Variants in ZNF423 observed in about 807,000 individuals in gnomAD.
The protein encoded by ZNF423 is zinc finger protein 423.
ZNF423 carries 12 observed loss-of-function variants against 95.8 expected under a neutral mutation model. That is an observed-to-expected ratio of 0.13 (90% CI 0.08 to 0.20). The LOEUF is 0.20. Ranked by LOEUF, ZNF423 falls within the 10% of genes least tolerant of loss-of-function variation. The pLI is 1.00. For missense variants in ZNF423, 1,316 were observed against 1,737.1 expected, an observed-to-expected ratio of 0.76 and a Z score of 4.31; for synonymous variants, 749 against 711.9, an observed-to-expected ratio of 1.05 and a Z score of -0.83.
intron 2 of ZNF423, among the ~76,000 whole-genome samples, chr16:49,751,735 G>C (rs946941048): frequency 6.6e-6 from 1 of 152,190 alleles, no homozygotes; most frequent in African/African-American, 2.4e-5. Context: ...GTCGGGAGAG[G>C]AAGAAGCAGT....
intron 3 of ZNF423, among the ~76,000 whole-genome samples, chr16:49,654,222 C>A (rs536992112): frequency 1.3e-5 from 2 of 152,330 alleles, no homozygotes; most frequent in East Asian, 1.9e-4. Flanking sequence ...AGCTCCTGAG[C>A]CTTCATTCAG....
At chr16:49,766,262 T>G (rs958258052) in intron 2 of ZNF423, among the ~76,000 whole-genome samples, 112 of 152,276 alleles carry the variant, frequency 7.4e-4, no homozygotes, top group African/African-American at 2.6e-3. Flanking sequence ...GTTTCATGTT[T>G]TTTTAAGTGA....
intron 4 of ZNF423, among the ~76,000 whole-genome samples, chr16:49,632,669 G>C (rs1434403047): frequency 1.3e-5 from 2 of 152,130 alleles, no homozygotes; most frequent in African/African-American, 4.8e-5. Context: ...ACCTTTCTGA[G>C]CTGGAGCCCC....
intron 1 of ZNF423, among the ~76,000 whole-genome samples, chr16:49,824,857 T>A (rs1253419265): frequency 2.0e-5 from 3 of 152,114 alleles, no homozygotes; most frequent in East Asian, 1.9e-4. Flanking sequence ...GAGAATCCAA[T>A]GGGCGGGCAC....
chr16:49,780,396 C>G (rs1333362465), intron 2 of ZNF423: 1 of 152,286 alleles, frequency 6.6e-6, no homozygotes, highest in Non-Finnish European at 1.5e-5. Context: ...AACCAGCAGG[C>G]GGAGCACAGG....
intron 5 of ZNF423, among the ~76,000 whole-genome samples, chr16:49,615,688 G>A (rs1031680775): frequency 6.6e-6 from 1 of 152,066 alleles, no homozygotes; most frequent in African/African-American, 2.4e-5. Context: ...TCGGTAACAG[G>A]GGGCCTGGCA....
chr16:49,852,665 T>C (rs1346146834), intron 1 of ZNF423, among the ~76,000 whole-genome samples: 6 of 151,498 alleles, frequency 4.0e-5, no homozygotes, highest in Non-Finnish European at 8.8e-5. Flanking sequence ...GGAAAATCGG[T>C]CAGAAAAATG....
At chr16:49,501,232 G>T (rs1265978503) in intron 7 of ZNF423, among the ~76,000 whole-genome samples, 1 of 152,188 alleles carries the variant, frequency 6.6e-6, no homozygotes, top group African/African-American at 2.4e-5. Context: ...GTGCAAAGCA[G>T]TAAGACCCAG....
chr16:49,666,887 AG>A (rs2030573497), intron 3 of ZNF423, among the ~76,000 whole-genome samples: 1 of 152,166 alleles, frequency 6.6e-6, no homozygotes, highest in Admixed American at 6.5e-5. Flanking sequence ...CCCAGAAAAA[AG>A]GGCAGGGTGG....
At chr16:49,505,897 G>A (rs74359311) in intron 7 of ZNF423, among the ~76,000 whole-genome samples, 3,654 of 152,252 alleles carry the variant, frequency 0.024, 57 homozygotes, top group Non-Finnish European at 0.036. Context: ...CATTGTCACT[G>A]CCCAGATACC....
chr16:49,494,010 G>A (rs1365310397), intron 7 of ZNF423, among the ~76,000 whole-genome samples: 1 of 152,196 alleles, frequency 6.6e-6, no homozygotes, highest in Non-Finnish European at 1.5e-5. Context: ...ATGGGCACAG[G>A]GGGTGTCTGG....
upstream of ZNF423, among the ~76,000 whole-genome samples, chr16:49,856,416 G>A (rs1368176021): frequency 8.4e-6 from 1 of 118,900 alleles, no homozygotes; most frequent in Non-Finnish European, 1.7e-5. Flanking sequence ...CGGAAGCTCA[G>A]TACCCCCCAG....
At chr16:49,816,977 T>C (rs534220296) in intron 1 of ZNF423, among the ~76,000 whole-genome samples, 9 of 152,046 alleles carry the variant, frequency 5.9e-5, no homozygotes, top group Admixed American at 2.6e-4. Flanking sequence ...TGCAAAGGCT[T>C]TTGAGAGGGT....
At chr16:49,815,851 C>A (rs1205627830) in intron 1 of ZNF423, among the ~76,000 whole-genome samples, 1 of 109,774 alleles carries the variant, frequency 9.1e-6, no homozygotes, top group Non-Finnish European at 1.7e-5. Context: ...TTAAGTGTTA[C>A]ATTCTAATTC....
intron 2 of ZNF423, 110 bp from the exon 3 acceptor site, chr16:49,731,081 G>A (rs2033156086): frequency 1.6e-6 from 2 of 1,287,570 alleles, no homozygotes; most frequent in Non-Finnish European, 2.2e-6. Flanking sequence ...TACCTCCCGG[G>A]GTCCATTATC....
At chr16:49,730,180 A>G (rs1485675874) in intron 3 of ZNF423, among the ~76,000 whole-genome samples, 3 of 152,152 alleles carry the variant, frequency 2.0e-5, no homozygotes, top group Non-Finnish European at 4.4e-5. Flanking sequence ...TAGCTCCTAG[A>G]AAACTGGTCT....
intron 5 of ZNF423, among the ~76,000 whole-genome samples, chr16:49,608,498 G>A (rs1567500796): frequency 6.6e-6 from 1 of 152,178 alleles, no homozygotes; most frequent in Non-Finnish European, 1.5e-5. Flanking sequence ...CTCTGTCGAA[G>A]TACAACTAAA....
intron 2 of ZNF423, among the ~76,000 whole-genome samples, chr16:49,762,723 C>T (rs1237925304): frequency 1.3e-5 from 2 of 152,312 alleles, no homozygotes; most frequent in Admixed American, 6.5e-5. Flanking sequence ...CTTCCGCTCT[C>T]GGGAACGGCC....
chr16:49,531,625 T>C (rs1567448058), intron 5 of ZNF423, among the ~76,000 whole-genome samples: 1 of 152,132 alleles, frequency 6.6e-6, no homozygotes, highest in East Asian at 1.9e-4. Flanking sequence ...CGTTTATCTA[T>C]TGATCTGTCA....
Sources: gnomAD v4.1 joint callset for allele counts (sites outside exome capture counted in the v4.1 genomes callset) on GRCh38, gnomAD v4.1.1 for gene constraint, MANE v1.5 for transcripts, NCBI Gene and HGNC (gene_info 2026-07-23, HGNC 2026-07-21) for gene names.